Variants in NUP205 observed in about 807,000 individuals in gnomAD.
NUP205 encodes the protein nuclear pore complex protein Nup205.
A neutral mutation model predicts 253.8 loss-of-function variants in NUP205; 76 were observed. The ratio of observed to expected loss-of-function variants is 0.30; its 90% CI spans 0.25 to 0.36. NUP205 has a LOEUF of 0.36. Ranked by LOEUF, NUP205 falls within the 10% of genes least tolerant of loss-of-function variation. The pLI is 1.00. For missense variants in NUP205, 2,162 were observed against 2,425.5 expected, an observed-to-expected ratio of 0.89 and a Z score of 2.28; for synonymous variants, 832 against 850.1, an observed-to-expected ratio of 0.98 and a Z score of 0.37.
At chr7:135,637,552 C>T (rs3800759) in intron 36 of NUP205, among the ~76,000 whole-genome samples, 4,627 of 152,240 alleles carry the variant, frequency 0.03, 101 homozygotes, top group Middle Eastern at 0.1. Context: ...TTATCACAAA[C>T]GTGTCCATCT....
Position 135,606,885 on chromosome 7 carries a change from C to G in NUP205, c.3040C>G (p.Pro1014Ala). 1 of 1,614,048 alleles carries G rather than the reference C, an allele frequency of 6.2e-7. No homozygotes were observed. The highest frequency in any genetic ancestry group is 8.5e-7 in the Non-Finnish European group (1 of 1,179,964). ...LYLLGFELKK[P>A]VSTTNLQDPG... ...CCTGTTGGGCTTTGAATTGAAAAAA[C>G]CTGTCAGTACTACAAACCTACAAGA... is the stretch of plus-strand genomic sequence containing the variant. The change falls in exon 21 of 43, where the codon CCT (proline) becomes GCT (alanine). Residue 1014 changes from proline (P) to alanine (A), a missense_variant. Coordinates refer to ENST00000285968, the MANE Select transcript of NUP205 (RefSeq NM_015135.3).
In NUP205 at chr7:135,625,277, A is replaced by C. The variant is rs1181158900; in HGVS notation, c.4593A>C (p.Glu1531Asp). 2 of 1,614,180 alleles carry C rather than the reference A, an allele frequency of 1.2e-6. No homozygotes were observed. Among genetic ancestry groups the C allele is most frequent in the Non-Finnish European group, 1.7e-6 (2 of 1,180,030 alleles). Residue 1531 changes from glutamate (E) to aspartate (D), a missense_variant, in exon 32 of 43, where the codon GAA (glutamate) becomes GAC (aspartate). By Grantham distance (45) the Glu-to-Asp change is conservative (BLOSUM62 2). Coordinates refer to ENST00000285968, the MANE Select transcript of NUP205 (RefSeq NM_015135.3). ...AGGTCCTCGTAGACAGCTTGGTAGA[A>C]GATGACCGTACTTTGCAGAGCTTAC... ...YLKVLVDSLV[E>D]DDRTLQSLLT...
Position 135,606,780 on chromosome 7 carries a change from A to T in NUP205, c.2935A>T (p.Ile979Phe), listed in dbSNP as rs1442434520. The change falls in exon 21 of 43, where the codon ATT becomes TTT. Residue 979 changes from isoleucine to phenylalanine, a missense_variant. Around this residue, in one of 5 missense-constraint regions of NUP205, gnomAD observed 1,144 missense variants for 1,280.9 expected, o/e 0.89. Transcript: ENST00000285968. ...GSELEKKLVA[I>F]RHETRIHILN... is the part of the protein sequence containing the mutation. ...AGAACTTGAAAAGAAATTAGTTGCA[A>T]TTCGTCATGAAACAAGAATCCACAT... The T allele has an allele frequency of 6.2e-7, 1 of 1,613,870 alleles. No homozygotes were observed. Among genetic ancestry groups the T allele is most frequent in the Non-Finnish European group, 8.5e-7 (1 of 1,179,856 alleles).
At chr7:135,603,112 CTTTTTTTT>C (rs11300648) in intron 18 of NUP205, 118 bp downstream of exon 18, 55 of 332,776 alleles carry the variant, frequency 1.7e-4, no homozygotes, top group African/African-American at 3.5e-4. Flanking sequence ...CCTCATTTTA[CTTTTTTTT>C]TTTTTTTTTT....
chr7:135,579,198 T>TTTC lies in NUP205; in HGVS notation c.1042+285_1042+286insCTT, dbSNP rs35496854. 0.055 allele frequency among the ~76,000 whole-genome samples: 5,110 copies of TTTC among 93,552 alleles called. 115 individuals carry two copies. Among genetic ancestry groups the TTTC allele is most frequent in the Middle Eastern group, 0.14 (29 of 208 alleles). 61.4% of individuals were successfully genotyped at this position (93,552 alleles called of 152,430 possible). A position where few individuals can be genotyped will look rare whatever the true frequency, so the allele number is the denominator to read the frequency against. ...ATTTGGAATGACAGTGTCACATTAATTTTTTTTTTTTTTGAGATGGAGTTT... is the reference window on the plus strand; with the variant it reads ...ATTTGGAATGACAGTGTCACATTAATTTCTTTTTTTTTTTTTGAGATGGAGTTT... On this transcript the variant is annotated intron_variant, in intron 7 of 42. Coordinates refer to ENST00000285968, the MANE Select transcript of NUP205 (RefSeq NM_015135.3).
At chr7:135,623,933 C>T (rs1794527169) in intron 31 of NUP205, among the ~76,000 whole-genome samples, 2 of 151,922 alleles carry the variant, frequency 1.3e-5, no homozygotes, top group Admixed American at 1.3e-4. Context: ...CAGGCGCCCG[C>T]CACTACGCCT....
At chr7:135,568,874 G>C (rs969009652) in intron 1 of NUP205, among the ~76,000 whole-genome samples, 1 of 152,150 alleles carries the variant, frequency 6.6e-6, no homozygotes, top group South Asian at 2.1e-4. Flanking sequence ...TGCTGCACAA[G>C]TGCAGCCATT....
chr7:135,602,768 A>T (rs1793991278), intron 17 of NUP205, 37 bp from the exon 18 acceptor site: 1 of 1,513,238 alleles, frequency 6.6e-7, no homozygotes, highest in Admixed American at 1.9e-5. Flanking sequence ...TTTTTAAGAT[A>T]AATTTAGAAC....
In NUP205 at chr7:135,573,691, C is replaced by G. The variant is rs770050728; in HGVS notation, c.209C>G (p.Ala70Gly). The G allele has an allele frequency of 3.7e-6, 6 of 1,612,820 alleles. No individual in the cohort carries two copies. In the African/African-American group the frequency reaches 8.0e-5, roughly 22 times the overall value. The change falls in exon 3 of 43, where the codon GCC becomes GGC. Residue 70 changes from alanine (A) to glycine (G), a missense_variant. Physicochemically the swap from Ala to Gly is moderately conservative, Grantham distance 60 (BLOSUM62 0). This residue lies in a region of NUP205 where 109 missense variants were observed against 131.8 expected (regional missense o/e 0.83). Coordinates refer to ENST00000285968, the MANE Select transcript of NUP205 (RefSeq NM_015135.3). ...NVQQHEKVQK[A>G]STEGVAIQGQ... ...CAACAGCATGAGAAGGTTCAGAAAG[C>G]CAGTACAGAGGGAGTCGCCATTCAG...
At chr7:135,592,164 A>C (rs142818972) in intron 11 of NUP205, among the ~76,000 whole-genome samples, 1 of 152,300 alleles carries the variant, frequency 6.6e-6, no homozygotes, top group Non-Finnish European at 1.5e-5. Flanking sequence ...CCATGATGGG[A>C]GCTGAAATCG....
At chr7:135,569,710 T>C (rs1029921422) in intron 1 of NUP205, among the ~76,000 whole-genome samples, 1 of 152,116 alleles carries the variant, frequency 6.6e-6, no homozygotes, top group East Asian at 1.9e-4. Flanking sequence ...ACAAGTTTAG[T>C]CATTATTACT....
intron 8 of NUP205, among the ~76,000 whole-genome samples, chr7:135,586,058 G>C (rs1806453737): frequency 6.6e-6 from 1 of 151,942 alleles, no homozygotes; most frequent in African/African-American, 2.4e-5. Context: ...ATCAAATGTT[G>C]GCGGGAAGTA....
At chr7:135,614,687 A>G (rs981226659) in intron 23 of NUP205, among the ~76,000 whole-genome samples, 1 of 152,196 alleles carries the variant, frequency 6.6e-6, no homozygotes, top group Admixed American at 6.5e-5. Context: ...CTTGAAATGA[A>G]AAGTTGAAAA....
intron 33 of NUP205, among the ~76,000 whole-genome samples, chr7:135,626,679 C>T (rs181042213): frequency 6.7e-4 from 102 of 152,128 alleles, no homozygotes; most frequent in African/African-American, 2.3e-3. Flanking sequence ...TTTCCTGTTC[C>T]GGATGATTTG....
chr7:135,636,690 CATT>C (rs77627168), intron 36 of NUP205, among the ~76,000 whole-genome samples: 1,548 of 152,258 alleles, frequency 0.01, 24 homozygotes, highest in East Asian at 0.095. Context: ...ATTATAGTCT[CATT>C]AATATGTTTT....
intron 9 of NUP205, 77 bp downstream of exon 9, chr7:135,587,768 G>T: frequency 1.3e-6 from 2 of 1,534,920 alleles, no homozygotes; most frequent in Non-Finnish European, 1.8e-6. Flanking sequence ...AAAATTTCAG[G>T]TGTAATACTT....
intron 1 of NUP205, among the ~76,000 whole-genome samples, chr7:135,562,712 T>A (rs1805623631): frequency 6.6e-6 from 1 of 151,982 alleles, no homozygotes. Flanking sequence ...CACACCCAGC[T>A]AATTTTTGTA....
At chr7:135,588,015 T>G in intron 10 of NUP205, 23 bp downstream of exon 10, 1 of 1,596,002 alleles carries the variant, frequency 6.3e-7, no homozygotes, top group South Asian at 1.1e-5. Flanking sequence ...GTTTTCCTCT[T>G]TTATACTCTG....
At chr7:135,561,937 T>TTCCTTCCTTCCTTCCTTCCC (rs1805593350) in intron 1 of NUP205, among the ~76,000 whole-genome samples, 1 of 151,726 alleles carries the variant, frequency 6.6e-6, no homozygotes, top group East Asian at 1.9e-4. Context: ...CCTTCCTTCC[T>TTCCTTCCTTCCTTCCTTCCC]TCCCTCCCTC....
Sources: allele counts gnomAD v4.1 joint callset (sites outside exome capture counted in the v4.1 genomes callset), GRCh38; gene constraint gnomAD v4.1.1; regional missense constraint gnomAD v4.1.1; transcripts MANE v1.5; gene names NCBI Gene and HGNC (gene_info 2026-07-23, HGNC 2026-07-21).